The following MGRN1 variants were observed in gnomAD, a reference collection of about 807,000 sequenced individuals.
The protein encoded by MGRN1 is mahogunin ring finger 1, also known as E3 ubiquitin-protein ligase MGRN1.
A neutral mutation model predicts 69.2 loss-of-function variants in MGRN1; 29 were observed. The ratio of observed to expected loss-of-function variants is 0.42; its 90% CI spans 0.31 to 0.57. MGRN1 has a LOEUF of 0.57. Ranked by LOEUF, MGRN1 falls within the 20% of genes least tolerant of loss-of-function variation. MGRN1 has a pLI of 0.15. For missense variants in MGRN1, 998 were observed against 796.2 expected (o/e 1.25, Z -3.05); for synonymous variants, 470 against 344.2 (o/e 1.37, Z -4.04).
intron 4 of MGRN1, among the ~76,000 whole-genome samples, chr16:4,653,593 A>G (rs745792089): frequency 7.4e-5 from 11 of 147,988 alleles, no homozygotes; most frequent in Non-Finnish European, 1.5e-5. Context: ...AGTTGAAGCA[A>G]TTCTCCTGCC....
In MGRN1 at chr16:4,688,082, C is replaced by G. The variant is rs537507693; in HGVS notation, c.1619-714C>G. On this transcript the variant is annotated intron_variant, in intron 16 of 16. Coordinates refer to ENST00000262370, the MANE Select transcript of MGRN1 (RefSeq NM_015246.4). ...GGAAACCTGCTCTCGCCGCGGCCCC[C>G]GAAGAAAATAGACGCCCTTCACCGG... The G allele has an allele frequency of 9.1e-6, 9 of 985,420 alleles. No homozygotes were observed. In the African/African-American group the frequency reaches 1.4e-4, roughly 15 times the overall value. The allele number at this position is 985,420 out of a possible 1,614,324, so 61.0% of individuals were successfully genotyped here.
At chr16:4,686,137 CAG>C (rs968171509) in intron 16 of MGRN1, 27 of 1,158,654 alleles carry the variant, frequency 2.3e-5, no homozygotes, top group South Asian at 7.4e-5. Flanking sequence ...GTGGTTGCAG[CAG>C]AGTGTTTGTT....
intron 4 of MGRN1, 51 bp from the exon 5 acceptor site, chr16:4,657,195 G>A (rs1368909914): frequency 1.3e-6 from 2 of 1,549,534 alleles, no homozygotes; most frequent in Non-Finnish European, 8.9e-7. Context: ...GACGGGCACG[G>A]AGGGCCCTCT....
chr16:4,673,310 C>T (rs2078982218), intron 9 of MGRN1, among the ~76,000 whole-genome samples, 188 bp from the exon 10 acceptor site: 1 of 152,168 alleles, frequency 6.6e-6, no homozygotes, highest in Non-Finnish European at 1.5e-5. Flanking sequence ...CTGCCAGGTG[C>T]TGAGTTTGCA....
intron 16 of MGRN1, chr16:4,686,750 C>A (rs1341109531): frequency 1.9e-5 from 19 of 1,000,538 alleles, no homozygotes; most frequent in Non-Finnish European, 2.3e-5. Context: ...TGGCCTTGTT[C>A]CGGATGGTCC....
intron 4 of MGRN1, among the ~76,000 whole-genome samples, chr16:4,655,855 G>C: frequency 6.6e-6 from 1 of 152,258 alleles, no homozygotes; most frequent in East Asian, 1.9e-4. Context: ...CAGACAGAGG[G>C]GTGTGTCCAG....
intron 5 of MGRN1, among the ~76,000 whole-genome samples, chr16:4,661,100 C>G (rs935210699): frequency 6.6e-6 from 1 of 151,952 alleles, no homozygotes. Flanking sequence ...CTCACCTCAA[C>G]TTTCACAGTA....
chr16:4,681,172 C>T (rs936042089), intron 12 of MGRN1, among the ~76,000 whole-genome samples: 4 of 152,226 alleles, frequency 2.6e-5, no homozygotes, highest in African/African-American at 4.8e-5. Context: ...CCGTGTCTCT[C>T]GCCTCTGGCA....
intron 5 of MGRN1, among the ~76,000 whole-genome samples, chr16:4,663,576 G>T (rs1352698373): frequency 1.3e-5 from 2 of 152,108 alleles, no homozygotes; most frequent in Non-Finnish European, 2.9e-5. Flanking sequence ...TTGCTGTTCT[G>T]TGCCAGACAC....
At chr16:4,662,236 C>T (rs977546422) in intron 5 of MGRN1, among the ~76,000 whole-genome samples, 6 of 152,046 alleles carry the variant, frequency 3.9e-5, no homozygotes, top group East Asian at 3.8e-4. Flanking sequence ...AATATTTGGC[C>T]GGGCGCGGTG....
At chr16:4,688,737 C>G (rs777763276) in intron 16 of MGRN1, 59 bp from the exon 17 acceptor site, 1 of 1,499,308 alleles carries the variant, frequency 6.7e-7, no homozygotes, top group East Asian at 2.5e-5. Flanking sequence ...TCGGTAGGAG[C>G]GGGTGGCGTG....
chr16:4,629,000 C>G (rs1309043469), intron 1 of MGRN1, among the ~76,000 whole-genome samples: 2 of 152,034 alleles, frequency 1.3e-5, no homozygotes, highest in Non-Finnish European at 2.9e-5. Flanking sequence ...CTATGCCAGG[C>G]TAATTTTTGT....
intron 1 of MGRN1, among the ~76,000 whole-genome samples, chr16:4,637,862 G>A (rs1468573979): frequency 1.3e-5 from 2 of 152,244 alleles, no homozygotes; most frequent in African/African-American, 2.4e-5. Flanking sequence ...TAGGGGGTGG[G>A]GGCCACCCTG....
At chr16:4,666,313 G>A (rs917395871) in intron 7 of MGRN1, among the ~76,000 whole-genome samples, 1 of 151,864 alleles carries the variant, frequency 6.6e-6, no homozygotes, top group Middle Eastern at 3.2e-3. Context: ...AAATTTTTTT[G>A]TAGAGAAGAG....
At chr16:4,673,392 A>G in intron 9 of MGRN1, 106 bp from the exon 10 acceptor site, 2 of 1,425,992 alleles carry the variant, frequency 1.4e-6, no homozygotes, top group Non-Finnish European at 1.9e-6. Context: ...TTGTCATGAC[A>G]GCCCCCAGGG....
intron 11 of MGRN1, 67 bp from the exon 12 acceptor site, chr16:4,679,965 C>A: frequency 6.8e-7 from 1 of 1,473,692 alleles, no homozygotes; most frequent in Non-Finnish European, 9.4e-7. Context: ...CCAGTCAGAC[C>A]TGTCCAGCCC....
At chr16:4,660,560 C>T (rs562143766) in intron 5 of MGRN1, among the ~76,000 whole-genome samples, 2 of 152,324 alleles carry the variant, frequency 1.3e-5, no homozygotes, top group Admixed American at 6.5e-5. Context: ...GTGCTGGCTG[C>T]GCGGATGCAT....
chr16:4,679,203 C>A (rs1379308308), intron 11 of MGRN1, among the ~76,000 whole-genome samples: 1 of 152,216 alleles, frequency 6.6e-6, no homozygotes, highest in Non-Finnish European at 1.5e-5. Flanking sequence ...GAGAGGGTTT[C>A]ACCTAGGGAG....
intron 2 of MGRN1, 49 bp downstream of exon 2, chr16:4,650,532 C>T (rs1490502700): frequency 7.7e-6 from 11 of 1,428,076 alleles, no homozygotes; most frequent in Non-Finnish European, 1.1e-5. Context: ...TGGGAGGCCC[C>T]TGTCCCCAGC....
Sources: gnomAD v4.1 joint callset for allele counts (sites outside exome capture counted in the v4.1 genomes callset) on GRCh38, gnomAD v4.1.1 for gene constraint, MANE v1.5 for transcripts, NCBI Gene and HGNC (gene_info 2026-07-23, HGNC 2026-07-21) for gene names.